DDR1: variants seen among roughly 807,000 people sequenced by gnomAD.
The protein encoded by DDR1 is discoidin domain receptor tyrosine kinase 1.
Under a neutral mutation model 97.4 loss-of-function variants are expected in DDR1, and 64 were observed. The ratio of observed to expected loss-of-function variants is 0.66; its 90% confidence interval spans 0.54 to 0.81. The LOEUF (loss-of-function observed/expected upper bound fraction) is 0.81. DDR1 is among the 30% of genes least tolerant of loss of function. The pLI is 0.00. For missense variants in DDR1, 990 were observed against 1,259.6 expected (o/e 0.79, Z 3.24); for synonymous variants, 458 against 503.7 (o/e 0.91, Z 1.21).
Position 30,898,998 on chromosome 6 carries a change from C to T in DDR1, c.2562C>T (p.Ile854=), listed in dbSNP as rs1182408861. Residue 854 remains isoleucine (I), a synonymous_variant, in exon 17 of 18, where the codon ATC becomes ATT. Transcript: ENST00000376568. ...GGCAGCTCACCGACGAGCAGGTCAT[C>T]GAGAACGCGGGGGAGTTCTTCCGGG... is the stretch of plus-strand genomic sequence containing the variant. ...PFGQLTDEQV[I]ENAGEFFRDQ... The T allele has an allele frequency of 9.3e-6, 15 of 1,613,870 alleles. No homozygotes were observed. Among genetic ancestry groups the T allele is most frequent in the Non-Finnish European group, 1.3e-5 (15 of 1,179,960 alleles).
Position 30,891,815 on chromosome 6 carries a change from A to G in DDR1, c.666-187A>G, listed in dbSNP as rs551888794. 2.7e-4 allele frequency among the ~76,000 whole-genome samples: 41 copies of G among 152,188 alleles called. 1 individual carries two copies. Among genetic ancestry groups the G allele is most frequent in the Non-Finnish European group, 1.5e-5 (1 of 68,002 alleles). On this transcript the variant is annotated intron_variant, in intron 6 of 17. Transcript: ENST00000376568. This position sits in a 1 kb window ranked among gnomAD's most constrained non-coding sequence, Gnocchi z 5.3. ...TGGATGTGACCTGCAAGGTACCTGTAGTGCTGGGGTGGGGTGGAGAGAGGA... is the reference window on the plus strand; with the variant it reads ...TGGATGTGACCTGCAAGGTACCTGTGGTGCTGGGGTGGGGTGGAGAGAGGA...
At chr6:30,893,484 G>A (rs369113213) in intron 10 of DDR1, 61 bp downstream of exon 10, 18 of 1,547,948 alleles carry the variant, frequency 1.2e-5, no homozygotes, top group African/African-American at 1.4e-5. Context: ...ACGAGCCAGC[G>A]TCCAGTGGGA....
At position 30,890,524 on chromosome 6, in the gene DDR1, C is replaced by T. The variant is rs566564928; in HGVS notation, c.418-449C>T. 1.1e-3 allele frequency: 174 copies of T among 163,310 alleles called. No homozygotes were observed. Among genetic ancestry groups the T allele is most frequent in the Non-Finnish European group, 1.8e-3 (140 of 76,054 alleles). The allele number at this position is 163,310 out of a possible 1,614,324, so 10.1% of individuals were successfully genotyped here. A position where few individuals can be genotyped will look rare whatever the true frequency, so the allele number is the denominator to read the frequency against. On this transcript the variant is annotated intron_variant, in intron 4 of 17. Coordinates refer to ENST00000376568, the MANE Select transcript of DDR1 (RefSeq NM_001297654.2). This position sits in a 1 kb window ranked among gnomAD's most constrained non-coding sequence, Gnocchi z 5.0. ...CTGTTTTCCCTGCTGGGATCTCAGT[C>T]CTACAAGGGTGGGGAGTGACGTTCA...
At chr6:30,893,713 G>A (rs370752377) in intron 10 of DDR1, among the ~76,000 whole-genome samples, 12 of 152,334 alleles carry the variant, frequency 7.9e-5, no homozygotes, top group African/African-American at 2.9e-4. Flanking sequence ...CAGCTGGCCC[G>A]TATCTACCCC....
chr6:30,888,533 G>T lies in DDR1; in HGVS notation c.-42-155G>T. ...GGTTTAGGCCAGTGTCTGGCACAGG[G>T]GAAGCATTCTAAAAATATAGCTGAT... On this transcript the variant is annotated intron_variant, in intron 1 of 17. Transcript: ENST00000376568. The surrounding 1 kb of genome is among the most constrained non-coding windows in gnomAD (Gnocchi z 4.2). The T allele has an allele frequency of 1.2e-6, 1 of 837,462 alleles. No individual in the cohort carries two copies. The highest frequency in any genetic ancestry group is 2.7e-5 in the East Asian group (1 of 37,376). 51.9% of individuals were successfully genotyped at this position (837,462 alleles called of 1,614,324 possible). A position where few individuals can be genotyped will look rare whatever the true frequency, so the allele number is the denominator to read the frequency against.
At chr6:30,885,094 C>A in intron 1 of DDR1, 2 of 1,112,476 alleles carry the variant, frequency 1.8e-6, no homozygotes, top group Non-Finnish European at 2.6e-6. Context: ...ACTGCTAAGC[C>A]TCCGCTCAGC....
rs552322500 is a variant in DDR1 at position 30,886,304 on chromosome 6, T to G, written c.-43+1594T>G. Among the ~76,000 whole-genome samples, 477 of 152,228 alleles carry G rather than the reference T, an allele frequency of 3.1e-3. 1 individual carries two copies. The highest frequency in any genetic ancestry group is 5.7e-3 in the African/African-American group (235 of 41,538). On this transcript the variant is annotated intron_variant, in intron 1 of 17. Transcript: ENST00000376568. The surrounding 1 kb of genome is among the most constrained non-coding windows in gnomAD (Gnocchi z 4.6). ...TTACTTAGGGGAACAAGAGCCCCGC[T>G]GTTCCCGAGAGAGGTGGGGTTGGAG...
chr6:30,891,470 C>T lies in DDR1; in HGVS notation c.656C>T (p.Thr219Ile), dbSNP rs1346015563. 2 of 1,612,068 alleles carry T rather than the reference C, an allele frequency of 1.2e-6. No individual in the cohort carries two copies. Among genetic ancestry groups the T allele is most frequent in the Non-Finnish European group, 1.7e-6 (2 of 1,179,738 alleles). The change falls in exon 6 of 18, where the codon ACC (threonine) becomes ATC (isoleucine). Residue 219 changes from threonine (T) to isoleucine (I), a missense_variant. Thr to Ile is a moderately conservative substitution (Grantham distance 89). Coordinates refer to ENST00000376568, the MANE Select transcript of DDR1 (RefSeq NM_001297654.2). This position sits in a 1 kb window ranked among gnomAD's most constrained non-coding sequence, Gnocchi z 5.3. ...YLNDSTYDGH[T>I]VGGLQYGGLG... ...AACGACTCCACCTATGACGGACATACCGTGGGCGGGTAAGAAAGGCCCCTG... is the reference window on the plus strand; with the variant it reads ...AACGACTCCACCTATGACGGACATATCGTGGGCGGGTAAGAAAGGCCCCTG...
chr6:30,896,516 C>G, intron 12 of DDR1, 105 bp from the exon 13 acceptor site: 2 of 1,402,118 alleles, frequency 1.4e-6, no homozygotes, highest in Non-Finnish European at 1.9e-6. Flanking sequence ...GTCTCTCACT[C>G]AACCGGGAGA....
chr6:30,881,714 C>T (rs776827460), upstream of DDR1, among the ~76,000 whole-genome samples: 9 of 152,190 alleles, frequency 5.9e-5, no homozygotes, highest in Non-Finnish European at 1.3e-4. Flanking sequence ...CTCTGAGCCC[C>T]TGGGGCTTCC....
In DDR1 at chr6:30,896,845, G is replaced by A. The variant is rs1791003006; in HGVS notation, c.1849G>A (p.Gly617Ser). 6.3e-7 allele frequency: 1 copy of A among 1,585,246 alleles called. No homozygotes were observed. Among genetic ancestry groups the A allele is most frequent in the African/African-American group, 1.3e-5 (1 of 74,378 alleles). Residue 617 changes from glycine (G) to serine (S), a missense_variant, in exon 13 of 18, where the codon GGC (glycine) becomes AGC (serine). Transcript: ENST00000376568. ...TCGACTCCGCTTCAAGGAGAAGCTT[G>A]GCGAGGGCCAGTTTGGGGAGGTAAG... Reference protein sequence around the residue: ...RSRLRFKEKLGEGQFGEVHLC... With the variant: ...RSRLRFKEKLSEGQFGEVHLC...
At chr6:30,885,441 C>T (rs554220849) in intron 1 of DDR1, 12 of 840,526 alleles carry the variant, frequency 1.4e-5, no homozygotes, top group East Asian at 8.0e-5. Context: ...CTTATTGCCA[C>T]TCTTCCCACC....
At chr6:30,899,077 G>A (rs1425858281) in intron 17 of DDR1, 40 bp downstream of exon 17, 3 of 1,614,028 alleles carry the variant, frequency 1.9e-6, no homozygotes, top group African/African-American at 2.7e-5. Context: ...CGAGGCGGGG[G>A]ACAGAAGGGG....
chr6:30,891,180 T>C lies in DDR1; in HGVS notation c.565+60T>C. 1 of 1,598,854 alleles carries C rather than the reference T, an allele frequency of 6.3e-7. No homozygotes were observed. Among genetic ancestry groups the C allele is most frequent in the Non-Finnish European group, 8.5e-7 (1 of 1,173,252 alleles). On this transcript the variant is annotated intron_variant, in intron 5 of 17. Transcript: ENST00000376568. The surrounding 1 kb of genome is among the most constrained non-coding windows in gnomAD (Gnocchi z 5.3). ...GAGCAGGGGACTGGAGGGTGGGGAG[T>C]GTGGAGAATGGGCATCCAGGATCCC...
At position 30,899,585 on chromosome 6, in the gene DDR1, C is replaced by T; in HGVS notation, c.*289C>T. 2.0e-6 allele frequency: 1 copy of T among 511,410 alleles called. No homozygotes were observed. The highest frequency in any genetic ancestry group is 3.0e-5 in the South Asian group (1 of 33,542). The allele number at this position is 511,410 out of a possible 1,614,324, so 31.7% of individuals were successfully genotyped here. On this transcript the variant is annotated 3_prime_UTR_variant, in exon 18 of 18. Coordinates refer to ENST00000376568, the MANE Select transcript of DDR1 (RefSeq NM_001297654.2). The stretch of plus-strand genomic sequence containing the variant: ...CCTCTCCACCCTCCTCTAGCCATCC[C>T]TTGGGGAAGGGTGGGGAGAAATATA...
At chr6:30,896,096 G>C (rs1207728282) in intron 12 of DDR1, among the ~76,000 whole-genome samples, 2 of 151,752 alleles carry the variant, frequency 1.3e-5, no homozygotes, top group East Asian at 2.0e-4. Flanking sequence ...CCTCCTCTCT[G>C]TGTGCCTCTG....
chr6:30,888,358 A>C lies in DDR1; in HGVS notation c.-42-330A>C. 1 of 291,346 alleles carries C rather than the reference A, an allele frequency of 3.4e-6. No homozygotes were observed. The highest frequency in any genetic ancestry group is 8.6e-5 in the South Asian group (1 of 11,644). The allele number at this position is 291,346 out of a possible 1,614,324, so 18.0% of individuals were successfully genotyped here. A position where few individuals can be genotyped will look rare whatever the true frequency, so the allele number is the denominator to read the frequency against. On this transcript the variant is annotated intron_variant, in intron 1 of 17. Transcript: ENST00000376568. The surrounding 1 kb of genome is among the most constrained non-coding windows in gnomAD (Gnocchi z 4.2). Reference sequence around the variant, plus strand: ...TTGTTCTAAGCCGTTGTTTATGGGGATATTTTGCCCATTCCTGATTGGAGA... The same window carrying C: ...TTGTTCTAAGCCGTTGTTTATGGGGCTATTTTGCCCATTCCTGATTGGAGA...
chr6:30,888,610 G>C lies in DDR1; in HGVS notation c.-42-78G>C. ...GTTTTACTGTTATTATCCCCAAAGC[G>C]GCCCATTCTGTCTGTTGCTGTCAGC... On this transcript the variant is annotated intron_variant, in intron 1 of 17. Coordinates refer to ENST00000376568, the MANE Select transcript of DDR1 (RefSeq NM_001297654.2). The surrounding 1 kb of genome is among the most constrained non-coding windows in gnomAD (Gnocchi z 4.2). 6.8e-7 allele frequency: 1 copy of C among 1,468,516 alleles called. No individual in the cohort carries two copies. The highest frequency in any genetic ancestry group is 1.3e-5 in the South Asian group (1 of 79,928). 91.0% of individuals were successfully genotyped at this position (1,468,516 alleles called of 1,614,324 possible). A position where few individuals can be genotyped will look rare whatever the true frequency, so the allele number is the denominator to read the frequency against.
chr6:30,893,298 G>A lies in DDR1; in HGVS notation c.1222G>A (p.Val408Met), dbSNP rs778882518. ...LELEPRGQQP[V>M]AKAEGSPTAI... ...GCTGGAGCCCAGAGGCCAGCAGCCC[G>A]TGGCCAAGGCCGAGGGGAGCCCGAC... The change falls in exon 10 of 18, where the codon GTG becomes ATG. Residue 408 changes from valine to methionine, a missense_variant. Physicochemically the swap from Val to Met is conservative, Grantham distance 21 (BLOSUM62 1). Coordinates refer to ENST00000376568, the MANE Select transcript of DDR1 (RefSeq NM_001297654.2). 1.1e-5 allele frequency: 17 copies of A among 1,605,678 alleles called. No individual in the cohort carries two copies. The highest frequency in any genetic ancestry group is 1.6e-4 in the Middle Eastern group (1 of 6,080).
Sources: gnomAD v4.1 joint callset for allele counts (sites outside exome capture counted in the v4.1 genomes callset) on GRCh38, gnomAD v4.1.1 for gene constraint, Gnocchi (gnomAD v3.1) non-coding constraint, MANE v1.5 for transcripts, NCBI Gene and HGNC (gene_info 2026-07-23, HGNC 2026-07-21) for gene names.